The following TOP2B variants were observed in gnomAD, a reference collection of about 807,000 sequenced individuals.
TOP2B encodes the protein DNA topoisomerase 2-beta.
TOP2B carries 51 observed loss-of-function variants against 193.5 expected under a neutral mutation model. The ratio of observed to expected loss-of-function variants is 0.26; its 90% CI spans 0.21 to 0.33. The LOEUF (loss-of-function observed/expected upper bound fraction) is 0.33. Among genes scored for constraint, TOP2B ranks in the 10% least tolerant of loss-of-function variants. TOP2B has a pLI of 1.00. For missense variants in TOP2B, 1,378 were observed against 1,909.3 expected (o/e 0.72, Z 5.19); for synonymous variants, 634 against 635.7 (o/e 1.00, Z 0.04).
intron 16 of TOP2B, 26 bp from the exon 17 acceptor site, chr3:25,626,890 G>T: frequency 7.3e-7 from 1 of 1,362,392 alleles, no homozygotes; most frequent in Non-Finnish European, 1.0e-6. Flanking sequence ...TAACGATTTT[G>T]CACATTAAAA....
In TOP2B at chr3:25,624,469, C is replaced by A. The variant is rs763794336; in HGVS notation, c.2347-24G>T. The A allele has an allele frequency of 1.9e-6, 3 of 1,598,994 alleles. No individual in the cohort carries two copies. In the East Asian group the frequency reaches 6.7e-5, roughly 36 times the overall value. On this transcript the variant is annotated intron_variant, in intron 19 of 35. Transcript: ENST00000264331. ...TGCTATACAACAGAAGAAGGCAGAACATAACATTAATATTCTAAATTTTCT... is the reference window on the plus strand; with the variant it reads ...TGCTATACAACAGAAGAAGGCAGAAAATAACATTAATATTCTAAATTTTCT...
chr3:25,602,595 A>G (rs1302386335), intron 33 of TOP2B, among the ~76,000 whole-genome samples: 1 of 151,890 alleles, frequency 6.6e-6, no homozygotes, highest in African/African-American at 2.4e-5. Flanking sequence ...CAAGAGCAGG[A>G]GGAGCCCTAG....
intron 10 of TOP2B, among the ~76,000 whole-genome samples, chr3:25,631,269 C>G (rs973639195): frequency 2.2e-4 from 33 of 152,004 alleles, no homozygotes; most frequent in Admixed American, 5.9e-4. Flanking sequence ...ACACATGAAC[C>G]TACTAGCCGG....
intron 4 of TOP2B, among the ~76,000 whole-genome samples, chr3:25,641,951 A>C (rs1280683773): frequency 2.0e-5 from 3 of 152,182 alleles, no homozygotes; most frequent in Non-Finnish European, 2.9e-5. Flanking sequence ...ATTATGTCAT[A>C]AATAATGGAA....
intron 18 of TOP2B, among the ~76,000 whole-genome samples, chr3:25,626,186 T>C (rs1192772222): frequency 6.6e-6 from 1 of 152,140 alleles, no homozygotes; most frequent in Non-Finnish European, 1.5e-5. Flanking sequence ...CATTAGGCTT[T>C]GGGTAATACA....
chr3:25,598,379 A>G lies in TOP2B; in HGVS notation c.4809T>C (p.Ala1603=). ...CTGCAAAATATTTTACTTCTTTCCTAGCCCGACCGGTTCGTGGCAGAGAAG... is the reference window on the plus strand; with the variant it reads ...CTGCAAAATATTTTACTTCTTTCCTGGCCCGACCGGTTCGTGGCAGAGAAG... ...EPPSLPRTGR[A]RKEVKYFAES... The change falls in exon 36 of 36, where the codon GCT becomes GCC. Residue 1603 remains alanine, a synonymous_variant. Transcript: ENST00000264331. 6.2e-7 allele frequency: 1 copy of G among 1,613,580 alleles called. No homozygotes were observed. Among genetic ancestry groups the G allele is most frequent in the Non-Finnish European group, 8.5e-7 (1 of 1,179,642 alleles).
Position 25,637,197 on chromosome 3 carries a change from G to C in TOP2B, c.639+18C>G, listed in dbSNP as rs1449799355. 6.6e-7 allele frequency: 1 copy of C among 1,507,718 alleles called. No individual in the cohort carries two copies. The highest frequency in any genetic ancestry group is 1.4e-5 in the African/African-American group (1 of 71,920). 93.4% of individuals were successfully genotyped at this position (1,507,718 alleles called of 1,614,324 possible). On this transcript the variant is annotated intron_variant, in intron 6 of 35. Transcript: ENST00000264331. Reference sequence around the variant, plus strand: ...AAACGTTATTTTAAAAAAAGAAATAGATGTGTTTCTAGCATACCTGCTTAA... The same window carrying C: ...AAACGTTATTTTAAAAAAAGAAATACATGTGTTTCTAGCATACCTGCTTAA...
Position 25,607,316 on chromosome 3 carries a change from C to A in TOP2B, c.4153G>T (p.Asp1385Tyr), listed in dbSNP as rs750206462. 3.2e-6 allele frequency: 5 copies of A among 1,552,536 alleles called. No individual in the cohort carries two copies. The highest frequency in any genetic ancestry group is 4.4e-6 in the Non-Finnish European group (5 of 1,147,162). ...SEEEDDDADD[D>Y]DDDNNDLEEL... ...TCTAAATCATTATTGTCATCATCAT[C>A]ATCATCAGCATCATCATCCTCTTCT... Residue 1385 changes from aspartate (D) to tyrosine (Y), a missense_variant, in exon 31 of 36, where the codon GAT becomes TAT. Asp to Tyr is a radical substitution (Grantham distance 160). Coordinates refer to ENST00000264331, the MANE Select transcript of TOP2B (RefSeq NM_001330700.2).
At position 25,609,229 on chromosome 3, in the gene TOP2B, T is replaced by C. The variant is rs1416001824; in HGVS notation, c.4047A>G (p.Thr1349=). The change falls in exon 30 of 36, where the codon ACA becomes ACG. Residue 1349 remains threonine, a synonymous_variant. Coordinates refer to ENST00000264331, the MANE Select transcript of TOP2B (RefSeq NM_001330700.2). ...ESKSESDLEE[T]EPVVIPRDSL... ...AATCTCTTGGAATAACCACAGGTTC[T>C]GTTTCTTCCAAATCACTTTCTGACT... is the stretch of plus-strand genomic sequence containing the variant. The C allele has an allele frequency of 2.5e-6, 4 of 1,608,850 alleles. No homozygotes were observed. Among genetic ancestry groups the C allele is most frequent in the Non-Finnish European group, 3.4e-6 (4 of 1,177,224 alleles).
At chr3:25,624,127 T>A (rs1264988438) in intron 20 of TOP2B, among the ~76,000 whole-genome samples, 170 bp downstream of exon 20, 1 of 152,178 alleles carries the variant, frequency 6.6e-6, no homozygotes, top group African/African-American at 2.4e-5. Flanking sequence ...TCATAAAAAT[T>A]AAGGTCAACA....
At chr3:25,621,278 C>G (rs1244456292) in intron 21 of TOP2B, among the ~76,000 whole-genome samples, 1 of 152,178 alleles carries the variant, frequency 6.6e-6, no homozygotes, top group Non-Finnish European at 1.5e-5. Flanking sequence ...CATATTCAGG[C>G]CCAACCCCAT....
intron 4 of TOP2B, 39 bp downstream of exon 4, chr3:25,642,283 A>G: frequency 7.7e-7 from 1 of 1,303,866 alleles, no homozygotes; most frequent in Non-Finnish European, 1.1e-6. Context: ...CTATCTGAAT[A>G]AAACTTAGCA....
intron 21 of TOP2B, among the ~76,000 whole-genome samples, chr3:25,622,348 A>C (rs954533604): frequency 2.6e-5 from 4 of 152,232 alleles, no homozygotes; most frequent in Admixed American, 2.6e-4. Flanking sequence ...TAAGAGAAAA[A>C]GCAGAATATA....
intron 1 of TOP2B, among the ~76,000 whole-genome samples, chr3:25,656,519 A>G (rs964351219): frequency 6.6e-6 from 1 of 152,184 alleles, no homozygotes; most frequent in Non-Finnish European, 1.5e-5. Context: ...CAATGAGTAA[A>G]TAAGTCTATA....
chr3:25,600,867 T>A (rs1029593476), intron 34 of TOP2B, among the ~76,000 whole-genome samples: 7 of 152,234 alleles, frequency 4.6e-5, no homozygotes, highest in Non-Finnish European at 8.8e-5. Context: ...GGGATTCTTA[T>A]TTAACCTCTT....
At chr3:25,648,182 T>C (rs1703464055) in intron 1 of TOP2B, among the ~76,000 whole-genome samples, 1 of 152,242 alleles carries the variant, frequency 6.6e-6, no homozygotes, top group South Asian at 2.1e-4. Context: ...TGAGGGCCAT[T>C]GAAAACAAAA....
At chr3:25,622,194 A>AT (rs1422089601) in intron 21 of TOP2B, among the ~76,000 whole-genome samples, 2 of 151,906 alleles carry the variant, frequency 1.3e-5, no homozygotes, top group Admixed American at 6.5e-5. Context: ...TACACATAGT[A>AT]GGCACATAAG....
chr3:25,616,507 AAATT>A, intron 25 of TOP2B, among the ~76,000 whole-genome samples: 1 of 152,054 alleles, frequency 6.6e-6, no homozygotes, highest in Non-Finnish European at 1.5e-5. Context: ...AGTAAGATAA[AAATT>A]AAAACTGCAA....
rs1013740675 is a variant in TOP2B at position 25,604,969 on chromosome 3, T to C, written c.4379-99A>G. On this transcript the variant is annotated intron_variant, in intron 32 of 35. Coordinates refer to ENST00000264331, the MANE Select transcript of TOP2B (RefSeq NM_001330700.2). The stretch of plus-strand genomic sequence containing the variant: ...TGATGACTTCCCTTTAGCTAGACAA[T>C]TGATCTTATGTTACTATTTTGTGAC... 5.1e-6 allele frequency: 4 copies of C among 777,724 alleles called. No homozygotes were observed. In the African/African-American group the frequency reaches 5.2e-5, roughly 10 times the overall value. 48.2% of individuals were successfully genotyped at this position (777,724 alleles called of 1,614,324 possible).
Sources: gnomAD v4.1 joint callset for allele counts (sites outside exome capture counted in the v4.1 genomes callset) on GRCh38, gnomAD v4.1.1 for gene constraint, MANE v1.5 for transcripts, NCBI Gene and HGNC (gene_info 2026-07-23, HGNC 2026-07-21) for gene names.